DIO2: variants seen among roughly 807,000 people sequenced by gnomAD.
The protein encoded by DIO2 is iodothyronine deiodinase 2.
Under a neutral mutation model 21.4 loss-of-function variants are expected in DIO2, and 19 were observed. That is an observed-to-expected ratio of 0.89 (90% CI 0.62 to 1.30). DIO2 has a LOEUF of 1.30. Ranked by LOEUF, DIO2 falls within the 50% of genes most tolerant of loss-of-function variation. The pLI is 0.00. For missense variants in DIO2, 302 were observed against 338.1 expected (o/e 0.89, Z 0.84); for synonymous variants, 122 against 132.9 (o/e 0.92, Z 0.57).
rs190816765 is a variant in DIO2 at position 80,224,281 on chromosome 14, G to A, written c.-277-7544C>T. 5.9e-4 allele frequency among the ~76,000 whole-genome samples: 90 copies of A among 152,068 alleles called. 1 individual carries two copies. The highest frequency in any genetic ancestry group is 2.5e-4 in the Non-Finnish European group (17 of 67,962). ...ATGAAGCAATCAACTAGTTTGTTTCGCAATTTGTATGATAGGCTAAAAAAT... is the reference window on the plus strand; with the variant it reads ...ATGAAGCAATCAACTAGTTTGTTTCACAATTTGTATGATAGGCTAAAAAAT... On this transcript the variant is annotated intron_variant, in intron 2 of 4. Coordinates refer to the DIO2 transcript ENST00000553594.
In DIO2 at chr14:80,197,548, GT is replaced by G. The variant is rs1887527563; in HGVS notation, c.*5140del. The G allele has an allele frequency of 1.3e-5, 2 of 152,696 alleles. No individual in the cohort carries two copies. The highest frequency in any genetic ancestry group is 6.5e-5 in the Admixed American group (1 of 15,290). The allele number at this position is 152,696 out of a possible 1,614,324, so 9.5% of individuals were successfully genotyped here. A position where few individuals can be genotyped will look rare whatever the true frequency, so the allele number is the denominator to read the frequency against. ...GAGTAGCTTTATTCTTTTATTCAAA[GT>G]TTATTAAAATACAAGAACAAATTGT... is the stretch of plus-strand genomic sequence containing the variant. On this transcript the variant is annotated 3_prime_UTR_variant, in exon 2 of 2. Transcript: ENST00000438257.
At chr14:80,205,501 C>T (rs974552039) in intron 1 of DIO2, 6 of 838,328 alleles carry the variant, frequency 7.2e-6, no homozygotes, top group Non-Finnish European at 9.5e-6. Flanking sequence ...CCTCTAACCC[C>T]CTGATTCATC....
At chr14:80,225,253 C>T (rs1485224621) in intron 2 of DIO2, among the ~76,000 whole-genome samples, 2 of 152,126 alleles carry the variant, frequency 1.3e-5, no homozygotes, top group Admixed American at 6.5e-5. Flanking sequence ...CACAAATCCA[C>T]CCCTTGCCAA....
chr14:80,221,402 A>C (rs1888462220), intron 2 of DIO2, among the ~76,000 whole-genome samples: 1 of 152,352 alleles, frequency 6.6e-6, no homozygotes, highest in South Asian at 2.1e-4. Context: ...CTACAGTGAT[A>C]GGTGTTTTTA....
chr14:80,212,876 A>G (rs1179969006), upstream of DIO2, among the ~76,000 whole-genome samples: 4 of 151,634 alleles, frequency 2.6e-5, no homozygotes, highest in Non-Finnish European at 5.9e-5. Context: ...AAGTTCCTCC[A>G]GACAGGGAAG....
intron 2 of DIO2, among the ~76,000 whole-genome samples, chr14:80,222,685 T>C (rs1342236485): frequency 6.6e-6 from 1 of 152,206 alleles, no homozygotes; most frequent in Non-Finnish European, 1.5e-5. Context: ...TTGTGCCATA[T>C]GAACTACCAC....
chr14:80,202,051 A>G lies in DIO2; in HGVS notation c.*638T>C, dbSNP rs117227895. On this transcript the variant is annotated 3_prime_UTR_variant, in exon 2 of 2. Transcript: ENST00000438257. ...CTGCCTAGAAATTAACCCTCAGATT[A>G]CAGATGATCATTCTAACCTCTCAGA... is the stretch of plus-strand genomic sequence containing the variant. The G allele has an allele frequency of 3.4e-5, 8 of 235,160 alleles. No individual in the cohort carries two copies. The highest frequency in any genetic ancestry group is 6.0e-5 in the Non-Finnish European group (7 of 117,512). 14.6% of individuals were successfully genotyped at this position (235,160 alleles called of 1,614,324 possible). A position where few individuals can be genotyped will look rare whatever the true frequency, so the allele number is the denominator to read the frequency against.
intron 2 of DIO2, among the ~76,000 whole-genome samples, chr14:80,221,738 C>T (rs1020468204): frequency 6.6e-6 from 1 of 152,068 alleles, no homozygotes; most frequent in Non-Finnish European, 1.5e-5. Context: ...CATAATGAAA[C>T]TTCATTCATA....
upstream of DIO2, among the ~76,000 whole-genome samples, chr14:80,215,587 A>G (rs1888332132): frequency 6.6e-6 from 1 of 152,236 alleles, no homozygotes; most frequent in South Asian, 2.1e-4. Context: ...TTCTAATTCC[A>G]GTGATTTGTC....
chr14:80,220,016 A>C (rs17766126), intron 2 of DIO2, among the ~76,000 whole-genome samples: 41,049 of 151,844 alleles, frequency 0.27, 6,937 homozygotes, highest in Non-Finnish European at 0.37. Context: ...CAACAAAATG[A>C]AAGAAGTTTG....
chr14:80,226,015 C>T (rs1438099466), intron 2 of DIO2, among the ~76,000 whole-genome samples: 5 of 152,104 alleles, frequency 3.3e-5, no homozygotes, highest in South Asian at 2.1e-4. Flanking sequence ...TGTAATGTCA[C>T]GGGAACAGGA....
chr14:80,222,617 C>A (rs1430186542), intron 2 of DIO2, among the ~76,000 whole-genome samples: 1 of 152,162 alleles, frequency 6.6e-6, no homozygotes, highest in Non-Finnish European at 1.5e-5. Flanking sequence ...TAGTTAGCAA[C>A]TTTCATTTAA....
intron 3 of DIO2, chr14:80,216,637 A>C (rs1888368640): frequency 6.6e-6 from 1 of 152,170 alleles, no homozygotes; most frequent in South Asian, 2.1e-4. Context: ...ATTCATGACC[A>C]AAAATAAATA....
Position 80,199,108 on chromosome 14 carries a change from T to C in DIO2, c.*3581A>G, listed in dbSNP as rs138488543. The stretch of plus-strand genomic sequence containing the variant: ...GGCCATAGGGCATGCTGAGGACACC[T>C]TGTAATCCACCTTTGAATTTTCCCG... On this transcript the variant is annotated 3_prime_UTR_variant, in exon 2 of 2. Transcript: ENST00000438257. The C allele has an allele frequency of 6.6e-6, 1 of 152,378 alleles. No individual in the cohort carries two copies. The highest frequency in any genetic ancestry group is 2.4e-5 in the African/African-American group (1 of 41,584). 9.4% of individuals were successfully genotyped at this position (152,378 alleles called of 1,614,324 possible).
upstream of DIO2, among the ~76,000 whole-genome samples, chr14:80,215,489 GAGC>G (rs1372639242): frequency 6.6e-6 from 1 of 152,176 alleles, no homozygotes; most frequent in Admixed American, 6.5e-5. Flanking sequence ...TTATTTGAAA[GAGC>G]AGAAGAGCAT....
At chr14:80,215,736 G>A (rs555645300), upstream of DIO2, among the ~76,000 whole-genome samples, 10 of 152,286 alleles carry the variant, frequency 6.6e-5, no homozygotes, top group South Asian at 1.7e-3. Flanking sequence ...CATACATAAC[G>A]CCTAAAACAG....
At chr14:80,224,973 G>C (rs551596634) in intron 2 of DIO2, among the ~76,000 whole-genome samples, 3 of 152,176 alleles carry the variant, frequency 2.0e-5, no homozygotes, top group Non-Finnish European at 4.4e-5. Flanking sequence ...TGAAGAACTT[G>C]GAGTCCGATG....
At chr14:80,205,520 C>T in intron 1 of DIO2, 1 of 1,027,186 alleles carries the variant, frequency 9.7e-7, no homozygotes, top group Non-Finnish European at 1.3e-6. Context: ...TCCGAGCAGA[C>T]CTGTTGATCC....
chr14:80,229,487 C>T (rs1245275371), intron 2 of DIO2, among the ~76,000 whole-genome samples: 1 of 152,118 alleles, frequency 6.6e-6, no homozygotes, highest in Non-Finnish European at 1.5e-5. Context: ...GTGCTGCCCT[C>T]ACACATCTAT....
Sources: gnomAD v4.1 joint callset for allele counts (sites outside exome capture counted in the v4.1 genomes callset) on GRCh38, gnomAD v4.1.1 for gene constraint, MANE v1.5 for transcripts, NCBI Gene and HGNC (gene_info 2026-07-23, HGNC 2026-07-21) for gene names.